Variants in DNAJC9 observed in about 807,000 individuals in gnomAD.
DNAJC9 encodes DnaJ heat shock protein family (Hsp40) member C9.
In DNAJC9, 18 loss-of-function variants were observed where a neutral mutation model predicts 32.4. That is an observed-to-expected ratio of 0.56 (90% CI 0.38 to 0.82). DNAJC9 has a LOEUF of 0.82. Ranked by LOEUF, DNAJC9 falls within the 40% of genes least tolerant of loss-of-function variation. DNAJC9 has a pLI of 0.00. For synonymous variants in DNAJC9, 113 were observed against 122.1 expected, an observed-to-expected ratio of 0.93 and a Z score of 0.49; for missense variants, 310 against 321.8, an observed-to-expected ratio of 0.96 and a Z score of 0.28.
chr10:73,233,178 C>T, intron 2 of DNAJC9: 1 of 1,520,840 alleles, frequency 6.6e-7, no homozygotes, highest in South Asian at 1.2e-5. Flanking sequence ...GTTTCAAAAG[C>T]AGAACTTCTG....
chr10:73,238,622 T>TG (rs1294889003), downstream of DNAJC9: 5 of 152,376 alleles, frequency 3.3e-5, no homozygotes, highest in African/African-American at 1.2e-4. Flanking sequence ...AATAACTATC[T>TG]GGCCCTTTGC....
In DNAJC9 at chr10:73,246,691, T is replaced by C; in HGVS notation, c.318A>G (p.Lys106=). The C allele has an allele frequency of 6.2e-7, 1 of 1,613,938 alleles. No homozygotes were observed. The highest frequency in any genetic ancestry group is 8.5e-7 in the Non-Finnish European group (1 of 1,179,874). ...AGAAACCTCCAGAGTCCTTTACCTTTTTAAAGAGTAGCCGCCAATACGCCT... is the reference window on the plus strand; with the variant it reads ...AGAAACCTCCAGAGTCCTTTACCTTCTTAAAGAGTAGCCGCCAATACGCCT... ...DWEAYWRLLF[K]KISLEDIQAF... The change falls in exon 2 of 5, where the codon AAA becomes AAG. Residue 106 remains lysine (K), a synonymous_variant. Transcript: ENST00000372950.
In DNAJC9 at chr10:73,243,476, G is replaced by A; in HGVS notation, c.707C>T (p.Ala236Val). 1 of 1,614,012 alleles carries A rather than the reference G, an allele frequency of 6.2e-7. No homozygotes were observed. Among genetic ancestry groups the A allele is most frequent in the South Asian group, 1.1e-5 (1 of 91,084 alleles). ...TTTGCAGTACTTTGCTTCCATCTGA[G>A]CCAGAAAATTGTCCATTTCCTTTTG... ...DRQKEMDNFL[A>V]QMEAKYCKSS... Residue 236 changes from alanine (A) to valine (V), a missense_variant, in exon 5 of 5, where the codon GCT (alanine) becomes GTT (valine). Transcript: ENST00000372950.
chr10:73,233,764 G>T (rs745826344), intron 2 of DNAJC9, among the ~76,000 whole-genome samples: 7 of 152,184 alleles, frequency 4.6e-5, no homozygotes, highest in African/African-American at 1.7e-4. Flanking sequence ...AAGGAATAAA[G>T]AACCTATTTA....
chr10:73,240,842 GA>G (rs897853026), downstream of DNAJC9: 1 of 703,632 alleles, frequency 1.4e-6, no homozygotes, highest in African/African-American at 1.8e-5. Context: ...CATACCTTAA[GA>G]AAGTCCAATT....
chr10:73,240,362 T>C (rs527397767), downstream of DNAJC9, among the ~76,000 whole-genome samples: 3 of 152,298 alleles, frequency 2.0e-5, no homozygotes, highest in Middle Eastern at 3.4e-3. Context: ...TTGAATGCTT[T>C]TGTCAGATTA....
Position 73,233,018 on chromosome 10 carries a change from G to T in DNAJC9, n.147+10825C>A, listed in dbSNP as rs369028725. ...TCGAAATTGGCCAAATCGAGCTGTG[G>T]AGTTTAGTACATCATCTCTGTCATA... On this transcript the variant is annotated intron_variant and non_coding_transcript_variant, in intron 2 of 2. Transcript: ENST00000469143. 8 of 1,551,732 alleles carry T rather than the reference G, an allele frequency of 5.2e-6. No homozygotes were observed. The African/African-American group carries it at 1.1e-4, about 21-fold the overall frequency.
At chr10:73,244,587 A>G (rs1164860680) in intron 3 of DNAJC9, 1 of 152,008 alleles carries the variant, frequency 6.6e-6, no homozygotes, top group Admixed American at 6.6e-5. Flanking sequence ...AATTTACTCC[A>G]TGGGACTGGT....
At chr10:73,237,702 G>GT (rs1564718821), downstream of DNAJC9, among the ~76,000 whole-genome samples, 3 of 152,096 alleles carry the variant, frequency 2.0e-5, no homozygotes, top group African/African-American at 7.2e-5. Context: ...GATTACAGGC[G>GT]TGAGCCACCG....
chr10:73,239,238 C>A, downstream of DNAJC9: 1 of 1,276,664 alleles, frequency 7.8e-7, no homozygotes, highest in South Asian at 1.3e-5. Context: ...TCAAGGTGTT[C>A]CTGTGAACCT....
intron 3 of DNAJC9, 35 bp from the exon 4 acceptor site, chr10:73,243,964 C>T: frequency 2.6e-6 from 4 of 1,561,444 alleles, no homozygotes; most frequent in South Asian, 2.3e-5. Flanking sequence ...TCAGGGCCAC[C>T]AGGAAATGCT....
At chr10:73,236,333 TTG>T (rs1402786490), downstream of DNAJC9, among the ~76,000 whole-genome samples, 1 of 152,096 alleles carries the variant, frequency 6.6e-6, no homozygotes, top group South Asian at 2.1e-4. Context: ...AAGAATCTTT[TTG>T]TCTCTTCCTG....
chr10:73,245,839 A>G, intron 3 of DNAJC9, 83 bp downstream of exon 3: 1 of 1,527,336 alleles, frequency 6.5e-7, no homozygotes, highest in Non-Finnish European at 8.8e-7. Flanking sequence ...CTGGAGTTTT[A>G]TGTTTACTTC....
intron 2 of DNAJC9, among the ~76,000 whole-genome samples, chr10:73,232,496 C>T (rs947546634): frequency 7.9e-5 from 12 of 152,238 alleles, no homozygotes; most frequent in African/African-American, 2.9e-4. Flanking sequence ...GGTGCCACAA[C>T]TGCTCCCAAG....
At chr10:73,236,468 T>C (rs138649568), downstream of DNAJC9, among the ~76,000 whole-genome samples, 935 of 149,930 alleles carry the variant, frequency 6.2e-3, 12 homozygotes, top group African/African-American at 0.022. Flanking sequence ...GGGTGGAGTG[T>C]AATGGCGCAA....
At chr10:73,241,294 C>T, downstream of DNAJC9, 1 of 413,350 alleles carries the variant, frequency 2.4e-6, no homozygotes, top group South Asian at 2.2e-5. Flanking sequence ...GTGAATAATA[C>T]CCAAATCACT....
chr10:73,243,531 G>A lies in DNAJC9; in HGVS notation c.664-12C>T, dbSNP rs751678929. 1.3e-5 allele frequency: 21 copies of A among 1,613,674 alleles called. No individual in the cohort carries two copies. The highest frequency in any genetic ancestry group is 1.8e-5 in the Non-Finnish European group (21 of 1,179,968). ...TCCTTTTGTCTGCTCTGTTTGAGAA[G>A]TTAAAACACAAGCTTTCACAACATT... On this transcript the variant is annotated splice_polypyrimidine_tract_variant and intron_variant, in intron 4 of 4. Coordinates refer to ENST00000372950, the MANE Select transcript of DNAJC9 (RefSeq NM_015190.5).
At chr10:73,243,776 T>C in intron 4 of DNAJC9, 67 bp downstream of exon 4, 1 of 1,427,036 alleles carries the variant, frequency 7.0e-7, no homozygotes, top group Non-Finnish European at 9.8e-7. Flanking sequence ...AAATACAACA[T>C]TCCAAAGAAA....
At chr10:73,233,160 G>C in intron 2 of DNAJC9, 1 of 1,549,086 alleles carries the variant, frequency 6.5e-7, no homozygotes, top group South Asian at 1.2e-5. Context: ...AGAGGAGCCC[G>C]AGTGTAGGTT....
Sources: gnomAD v4.1 joint callset for allele counts (sites outside exome capture counted in the v4.1 genomes callset) on GRCh38, gnomAD v4.1.1 for gene constraint, MANE v1.5 for transcripts, NCBI Gene and HGNC (gene_info 2026-07-23, HGNC 2026-07-21) for gene names.